The following ANKRD42 variants were observed in gnomAD, a reference collection of about 807,000 sequenced individuals.
ANKRD42 encodes ankyrin repeat domain-containing protein 42.
A neutral mutation model predicts 51.5 loss-of-function variants in ANKRD42; 43 were observed. That is an observed-to-expected ratio of 0.83 (90% CI 0.65 to 1.08). The LOEUF is 1.08. ANKRD42 is among the 50% of genes least tolerant of loss of function. The probability of loss-of-function intolerance (pLI) is 0.00; values close to 1 mark genes in which losing one functional copy is unlikely to be tolerated. For missense variants in ANKRD42, 608 were observed against 629.3 expected (o/e 0.97, Z 0.36); for synonymous variants, 203 against 213.0 (o/e 0.95, Z 0.41).
chr11:83,210,069 A>G (rs1862249476), intron 3 of ANKRD42: 1 of 412,834 alleles, frequency 2.4e-6, no homozygotes, highest in East Asian at 4.2e-5. Flanking sequence ...AAATCTGTTC[A>G]TGTTAAAAGC....
chr11:83,228,235 T>C (rs74931529), intron 7 of ANKRD42, among the ~76,000 whole-genome samples: 5,413 of 26,602 alleles, frequency 0.2, 365 homozygotes, highest in South Asian at 0.25. Flanking sequence ...CTCTCTCTTT[T>C]TTTTTTTTTT....
chr11:83,248,346 A>G lies in ANKRD42; in HGVS notation c.*142A>G. ...ACACACACACACACACTCTATATGT[A>G]ACTATAACTTTCTAGATACATACAC... On this transcript the variant is annotated 3_prime_UTR_variant, in exon 11 of 11. Transcript: ENST00000533342. The G allele has an allele frequency of 1.5e-6, 2 of 1,365,704 alleles. No homozygotes were observed. The highest frequency in any genetic ancestry group is 1.9e-6 in the Non-Finnish European group (2 of 1,067,868). 84.6% of individuals were successfully genotyped at this position (1,365,704 alleles called of 1,614,324 possible).
chr11:83,218,524 T>C (rs183969646), intron 5 of ANKRD42, among the ~76,000 whole-genome samples: 9 of 152,338 alleles, frequency 5.9e-5, no homozygotes, highest in South Asian at 2.1e-4. Flanking sequence ...TGTATAGTTA[T>C]AGGGATCATC....
chr11:83,213,265 G>A lies in ANKRD42; in HGVS notation c.586+1835G>A, dbSNP rs1862399182. On this transcript the variant is annotated intron_variant, in intron 5 of 10. Coordinates refer to ENST00000533342, the MANE Select transcript of ANKRD42 (RefSeq NM_001300975.2). ...TCCACAACATCAAGGAGCTGGAAGT[G>A]CTGCTGATGTGCAACAGATCTTACT... 9 of 1,596,946 alleles carry A rather than the reference G, an allele frequency of 5.6e-6. No homozygotes were observed. In the South Asian group the frequency reaches 9.9e-5, roughly 18 times the overall value.
At chr11:83,256,068 A>G in exon 12 of ANKRD42, 2 of 607,698 alleles carry the variant, frequency 3.3e-6, no homozygotes, top group Non-Finnish European at 5.3e-6. Context: ...CAGAAATGTT[A>G]TATTAAAGAG....
At chr11:83,205,400 T>C (rs1449077744) in intron 2 of ANKRD42, among the ~76,000 whole-genome samples, 7 of 152,228 alleles carry the variant, frequency 4.6e-5, no homozygotes, top group Non-Finnish European at 4.4e-5. Flanking sequence ...ATGACTTCTA[T>C]GACAGTGTAT....
intron 6 of ANKRD42, among the ~76,000 whole-genome samples, chr11:83,227,235 C>G (rs965779429): frequency 2.0e-5 from 3 of 152,170 alleles, no homozygotes; most frequent in Non-Finnish European, 2.9e-5. Context: ...GCCTCAGCCT[C>G]CTGAGTAGCT....
intron 7 of ANKRD42, among the ~76,000 whole-genome samples, chr11:83,233,262 C>T (rs574432635): frequency 7.0e-6 from 1 of 142,354 alleles, no homozygotes; most frequent in African/African-American, 2.6e-5. Flanking sequence ...GCTTTGATAT[C>T]ATTACTCATT....
intron 3 of ANKRD42, among the ~76,000 whole-genome samples, chr11:83,208,991 C>G (rs1030106466): frequency 6.6e-6 from 1 of 152,118 alleles, no homozygotes; most frequent in African/African-American, 2.4e-5. Flanking sequence ...TATGGTATAA[C>G]CCATATATAG....
intron 10 of ANKRD42, among the ~76,000 whole-genome samples, chr11:83,246,772 A>C (rs1369556807): frequency 1.3e-4 from 20 of 152,160 alleles, no homozygotes; most frequent in Admixed American, 3.9e-4. Context: ...GTAACATCTA[A>C]ATCTTTGATA....
chr11:83,228,953 GT>G (rs11365016), intron 7 of ANKRD42, among the ~76,000 whole-genome samples: 97,814 of 148,362 alleles, frequency 0.66, 32,466 homozygotes, highest in Middle Eastern at 0.84. Flanking sequence ...GTTTTTTTTT[GT>G]TTTTTTTTTA....
At chr11:83,243,839 T>A (rs1331995593) in intron 9 of ANKRD42, among the ~76,000 whole-genome samples, 1 of 152,002 alleles carries the variant, frequency 6.6e-6, no homozygotes, top group Non-Finnish European at 1.5e-5. Context: ...TTTTGTTTTG[T>A]ATTTTTAGTA....
Position 83,208,439 on chromosome 11 carries a change from A to T in ANKRD42, c.331-1861A>T, listed in dbSNP as rs149198264. ...CACATAAACATCCACATGGACCTTA[A>T]CCGGGGAATGAGATAATGAAAACAG... On this transcript the variant is annotated intron_variant, in intron 3 of 10. Coordinates refer to ENST00000533342, the MANE Select transcript of ANKRD42 (RefSeq NM_001300975.2). Among the ~76,000 whole-genome samples the T allele has an allele frequency of 1.2e-4, 19 of 152,238 alleles. 2 individuals carry two copies. The East Asian group carries it at 3.5e-3, about 28-fold the overall frequency.
At chr11:83,261,933 C>T (rs1863948601), downstream of ANKRD42, 1 of 1,603,982 alleles carries the variant, frequency 6.2e-7, no homozygotes, top group East Asian at 2.3e-5. Flanking sequence ...TCTATAAAAT[C>T]CCAATGCTAT....
At chr11:83,198,338 AGATAT>A in intron 1 of ANKRD42, 136 bp from the exon 2 acceptor site, 1 of 813,962 alleles carries the variant, frequency 1.2e-6, no homozygotes, top group Non-Finnish European at 1.9e-6. Flanking sequence ...AGTCTGTTTA[AGATAT>A]TAATGACAAA....
chr11:83,236,031 G>A (rs912198714), intron 7 of ANKRD42, among the ~76,000 whole-genome samples: 3 of 152,172 alleles, frequency 2.0e-5, no homozygotes, highest in Non-Finnish European at 2.9e-5. Context: ...TACAAGATTG[G>A]TTAGGAGCTA....
At chr11:83,230,405 C>T (rs977049426) in intron 7 of ANKRD42, among the ~76,000 whole-genome samples, 3 of 152,086 alleles carry the variant, frequency 2.0e-5, no homozygotes, top group Admixed American at 2.0e-4. Context: ...CCTCTGACTC[C>T]CCTACTACCT....
At chr11:83,212,837 C>G in intron 5 of ANKRD42, 1 of 1,434,762 alleles carries the variant, frequency 7.0e-7, no homozygotes, top group Non-Finnish European at 9.1e-7. Context: ...TTGGTATGAA[C>G]TCTTTCAATT....
At position 83,225,090 on chromosome 11, in the gene ANKRD42, G is replaced by GTGA. The variant is rs542322248; in HGVS notation, c.787+52_787+54dup. Reference sequence around the variant, plus strand: ...TAAGTTATATGTTCTAGCATATAATGTGATGATGATGATGATGATAATATA... The same window carrying GTGA: ...TAAGTTATATGTTCTAGCATATAATGTGATGATGATGATGATGATGATAATATA... On this transcript the variant is annotated intron_variant, in intron 6 of 10. Transcript: ENST00000533342. The GTGA allele has an allele frequency of 3.2e-5, 49 of 1,528,054 alleles. 1 individual carries two copies. The highest frequency in any genetic ancestry group is 2.5e-4 in the South Asian group (21 of 84,808). The allele number at this position is 1,528,054 out of a possible 1,614,324, so 94.7% of individuals were successfully genotyped here. A position where few individuals can be genotyped will look rare whatever the true frequency, so the allele number is the denominator to read the frequency against.
Sources: gnomAD v4.1 joint callset for allele counts (sites outside exome capture counted in the v4.1 genomes callset) on GRCh38, gnomAD v4.1.1 for gene constraint, MANE v1.5 for transcripts, NCBI Gene and HGNC (gene_info 2026-07-23, HGNC 2026-07-21) for gene names.